NLRP7: variants seen among roughly 807,000 people sequenced by gnomAD.
NLRP7 encodes the protein NLR family pyrin domain containing 7.
Under a neutral mutation model 85.5 loss-of-function variants are expected in NLRP7, and 72 were observed. That is an observed-to-expected ratio of 0.84 (90% CI 0.70 to 1.02). NLRP7 has a LOEUF of 1.02. NLRP7 is among the 50% of genes least tolerant of loss of function. The pLI is 0.00. For synonymous variants in NLRP7, 550 were observed against 505.2 expected (o/e 1.09, Z -1.19); for missense variants, 1,243 against 1,219.5 (o/e 1.02, Z -0.29).
At chr19:54,940,905 A>T (rs775097279) in intron 3 of NLRP7, 26 bp downstream of exon 3, 6 of 1,427,262 alleles carry the variant, frequency 4.2e-6, no homozygotes, top group Non-Finnish European at 5.9e-6. Context: ...CACCAAACTC[A>T]TGACCATAGG....
At chr19:54,940,627 G>C (rs1409849577) in intron 3 of NLRP7, among the ~76,000 whole-genome samples, 161 bp from the exon 4 acceptor site, 1 of 152,112 alleles carries the variant, frequency 6.6e-6, no homozygotes, top group African/African-American at 2.4e-5. Context: ...AGGAGTTCAA[G>C]ACCAGCCTGG....
chr19:54,939,145 A>G (rs1569540431), exon 4 of NLRP7: 1 of 1,614,232 alleles, frequency 6.2e-7, no homozygotes, highest in African/African-American at 1.3e-5. Flanking sequence ...GCTTATTTGC[A>G]TGAAGATGTG....
exon 5 of NLRP7, chr19:54,938,173 A>G (rs1452540802): frequency 9.9e-6 from 16 of 1,614,092 alleles, no homozygotes; most frequent in Non-Finnish European, 1.4e-5. Flanking sequence ...GAGAGAGCAG[A>G]AATCTGTCCA....
chr19:54,940,203 A>G (rs568231516), exon 4 of NLRP7: 3 of 1,614,210 alleles, frequency 1.9e-6, no homozygotes, highest in African/African-American at 1.3e-5. Flanking sequence ...TAGAACGCGT[A>G]TCTGAGCGTC....
chr19:54,961,324 A>C (rs1331251514), intron 1 of NLRP7, among the ~76,000 whole-genome samples: 1 of 151,900 alleles, frequency 6.6e-6, no homozygotes, highest in Non-Finnish European at 1.5e-5. Context: ...CAGCCCGGCC[A>C]AGGTGGTGAA....
At chr19:54,953,544 CA>C (rs2069742598) in intron 1 of NLRP7, among the ~76,000 whole-genome samples, 3 of 149,380 alleles carry the variant, frequency 2.0e-5, no homozygotes, top group African/African-American at 7.7e-5. Context: ...TTGTGGATTT[CA>C]TTCCTGGGCC....
rs2068773942 is a variant in NLRP7, at chr19:54,933,742, G to A, written c.2472-3C>T. The A allele has an allele frequency of 1.9e-6, 3 of 1,613,216 alleles. No homozygotes were observed. The highest frequency in any genetic ancestry group is 2.5e-6 in the Non-Finnish European group (3 of 1,179,172). ...CTGTAAGACGACAGTTTTCCAACCTGCAAAAATATGAAACAAATGGTAGAA... is the reference window on the plus strand; with the variant it reads ...CTGTAAGACGACAGTTTTCCAACCTACAAAAATATGAAACAAATGGTAGAA... On this transcript the variant is annotated splice_polypyrimidine_tract_variant and splice_region_variant and intron_variant, in intron 7 of 9. Coordinates refer to ENST00000340844, the Ensembl canonical transcript of NLRP7.
intron 1 of NLRP7, 73 bp from the exon 2 acceptor site, chr19:54,941,823 G>C: frequency 9.1e-7 from 1 of 1,103,840 alleles, no homozygotes; most frequent in Non-Finnish European, 1.3e-6. Flanking sequence ...TGTGTGCCAA[G>C]AACAAGACTG....
exon 10 of NLRP7, chr19:54,923,830 C>T: frequency 6.2e-7 from 1 of 1,613,940 alleles, no homozygotes; most frequent in Non-Finnish European, 8.5e-7. Flanking sequence ...TCACTTCCTC[C>T]AACAGCTTCT....
intron 8 of NLRP7, 52 bp downstream of exon 8, chr19:54,933,517 C>G: frequency 3.8e-6 from 6 of 1,596,654 alleles, no homozygotes; most frequent in Non-Finnish European, 5.2e-6. Flanking sequence ...ACTTTCATGT[C>G]TCTCCTGCTT....
upstream of NLRP7, among the ~76,000 whole-genome samples, chr19:54,950,690 G>C (rs1172739176): frequency 6.6e-6 from 1 of 150,686 alleles, no homozygotes; most frequent in Non-Finnish European, 1.5e-5. Flanking sequence ...CCCTATCTCA[G>C]TATATGGAAT....
chr19:54,952,230 C>T (rs1268605523), upstream of NLRP7, among the ~76,000 whole-genome samples: 4 of 152,012 alleles, frequency 2.6e-5, no homozygotes, highest in Non-Finnish European at 5.9e-5. Flanking sequence ...GAGAACACTG[C>T]GTCTTCATGC....
At chr19:54,947,590 C>G (rs2069530677), upstream of NLRP7, 2 of 1,289,500 alleles carry the variant, frequency 1.6e-6, no homozygotes, top group East Asian at 1.1e-4. Flanking sequence ...AGGGTGGAAC[C>G]GCCCCACTGA....
intron 4 of NLRP7, 30 bp downstream of exon 4, chr19:54,938,858 T>A (rs750769293): frequency 5.0e-6 from 8 of 1,611,812 alleles, no homozygotes; most frequent in Non-Finnish European, 6.8e-6. Context: ...CTCTTCCTAG[T>A]GGAGCGTGGG....
At chr19:54,963,298 G>C (rs997287163) in intron 1 of NLRP7, among the ~76,000 whole-genome samples, 1 of 152,050 alleles carries the variant, frequency 6.6e-6, no homozygotes, top group Non-Finnish European at 1.5e-5. Context: ...AGCTATGATT[G>C]TGCCACTGCA....
intron 9 of NLRP7, 148 bp downstream of exon 9, chr19:54,930,351 A>G (rs1569539255): frequency 1.7e-5 from 11 of 656,276 alleles, no homozygotes; most frequent in Non-Finnish European, 2.2e-5. Context: ...AGAGCCAGCT[A>G]CTCAGGAGGC....
At chr19:54,953,111 GGATGA>G (rs2069724661) in intron 1 of NLRP7, 1 of 152,128 alleles carries the variant, frequency 6.6e-6, no homozygotes, top group African/African-American at 2.4e-5. Flanking sequence ...CTAAGTCACA[GGATGA>G]GATAAGTCAG....
At position 54,941,755 on chromosome 19, in the gene NLRP7, G is replaced by T; in HGVS notation, c.-39-5C>A. 1 of 1,582,474 alleles carries T rather than the reference G, an allele frequency of 6.3e-7. No homozygotes were observed. The highest frequency in any genetic ancestry group is 1.2e-5 in the South Asian group (1 of 85,506). ...CCTTAGGTTAAGGCTGAAGAACTGGGGGGAAAAAAGGAAAAACAGTTCACG... is the reference window on the plus strand; with the variant it reads ...CCTTAGGTTAAGGCTGAAGAACTGGTGGGAAAAAAGGAAAAACAGTTCACG... On this transcript the variant is annotated splice_polypyrimidine_tract_variant and splice_region_variant and intron_variant, in intron 1 of 9. Transcript: ENST00000340844.
At chr19:54,950,794 T>C (rs1037553432), upstream of NLRP7, among the ~76,000 whole-genome samples, 2 of 152,178 alleles carry the variant, frequency 1.3e-5, no homozygotes, top group African/African-American at 2.4e-5. Context: ...GAGGTGTTCC[T>C]TCCTCTTTTA....
Sources: gnomAD v4.1 joint callset for allele counts (sites outside exome capture counted in the v4.1 genomes callset) on GRCh38, gnomAD v4.1.1 for gene constraint, MANE v1.5 for transcripts, NCBI Gene and HGNC (gene_info 2026-07-23, HGNC 2026-07-21) for gene names.